Variants in SLC22A16 observed in about 807,000 individuals in gnomAD.
SLC22A16 encodes solute carrier family 22 member 16, also known as WUGSC:RG331P03.1.
A neutral mutation model predicts 52.9 loss-of-function variants in SLC22A16; 53 were observed. The ratio of observed to expected loss-of-function variants is 1.00; its 90% CI spans 0.80 to 1.26. SLC22A16 has a LOEUF of 1.26. Among genes scored for constraint, SLC22A16 ranks in the 50% most tolerant of loss-of-function variants. The pLI is 0.00. For missense variants in SLC22A16, 726 were observed against 704.0 expected (o/e 1.03, Z -0.35); for synonymous variants, 291 against 268.8 (o/e 1.08, Z -0.81).
chr6:110,442,182 A>G, intron 4 of SLC22A16, 62 bp downstream of exon 4: 3 of 1,500,162 alleles, frequency 2.0e-6, no homozygotes, highest in South Asian at 2.6e-5. Flanking sequence ...AAACAGACAC[A>G]CACACACAAA....
intron 2 of SLC22A16, among the ~76,000 whole-genome samples, chr6:110,454,603 A>G (rs1246057373): frequency 1.0e-5 from 1 of 95,974 alleles, no homozygotes; most frequent in Non-Finnish European, 1.9e-5. Context: ...ATTTATATAT[A>G]TTATATATTT....
intron 6 of SLC22A16, among the ~76,000 whole-genome samples, chr6:110,434,219 A>G (rs1226486834): frequency 6.6e-6 from 1 of 152,192 alleles, no homozygotes; most frequent in Non-Finnish European, 1.5e-5. Context: ...AGCCTGGGCA[A>G]CAGAGTGAGA....
chr6:110,445,157 G>A (rs1276015986), intron 3 of SLC22A16, among the ~76,000 whole-genome samples: 2 of 152,050 alleles, frequency 1.3e-5, no homozygotes, highest in Admixed American at 1.3e-4. Context: ...GCAAAATCCT[G>A]ACAATCCTAC....
intron 5 of SLC22A16, among the ~76,000 whole-genome samples, chr6:110,438,108 C>T (rs760966779): frequency 4.6e-5 from 7 of 151,918 alleles, no homozygotes; most frequent in Non-Finnish European, 7.4e-5. Context: ...GGGTGCCAGA[C>T]GCCCTCTCGT....
intron 1 of SLC22A16, among the ~76,000 whole-genome samples, chr6:110,457,741 T>C (rs1308913278): frequency 6.6e-6 from 1 of 152,094 alleles, no homozygotes; most frequent in Non-Finnish European, 1.5e-5. Context: ...GAACCTTCTG[T>C]TATGCCCGGG....
intron 1 of SLC22A16, 27 bp from the exon 2 acceptor site, chr6:110,457,044 A>G (rs978919792): frequency 2.0e-6 from 3 of 1,514,036 alleles, no homozygotes; most frequent in Non-Finnish European, 2.6e-6. Context: ...GCTAATTATT[A>G]TATCTGGTCT....
At chr6:110,467,678 A>C (rs1776117627) in intron 1 of SLC22A16, among the ~76,000 whole-genome samples, 1 of 152,254 alleles carries the variant, frequency 6.6e-6, no homozygotes. Context: ...GTCCCCCATC[A>C]GTTAAATTTT....
chr6:110,436,702 T>C (rs184792832), intron 5 of SLC22A16, among the ~76,000 whole-genome samples: 3 of 152,342 alleles, frequency 2.0e-5, no homozygotes, highest in East Asian at 3.9e-4. Context: ...CCCTGGCTTA[T>C]AAATTATCTT....
intron 4 of SLC22A16, among the ~76,000 whole-genome samples, chr6:110,441,586 T>C (rs1163191241): frequency 6.6e-6 from 1 of 152,220 alleles, no homozygotes; most frequent in Non-Finnish European, 1.5e-5. Flanking sequence ...CTTGTTAGCT[T>C]TCTGGAGGGC....
intron 1 of SLC22A16, among the ~76,000 whole-genome samples, chr6:110,468,684 G>A (rs935535114): frequency 3.3e-5 from 5 of 150,598 alleles, no homozygotes; most frequent in Non-Finnish European, 5.9e-5. Context: ...AGAAGAAGAA[G>A]AAGAAAAAGA....
At chr6:110,435,000 A>G (rs116678072) in intron 6 of SLC22A16, among the ~76,000 whole-genome samples, 3,871 of 152,166 alleles carry the variant, frequency 0.025, 184 homozygotes, top group African/African-American at 0.089. Flanking sequence ...AAAAATCCCC[A>G]GTGTCATTCT....
intron 7 of SLC22A16, among the ~76,000 whole-genome samples, chr6:110,430,186 A>C (rs970467624): frequency 5.6e-4 from 85 of 151,784 alleles, no homozygotes; most frequent in African/African-American, 2.1e-3. Context: ...TTGAAGGAGA[A>C]TGTGAGGATT....
chr6:110,431,424 G>A lies in SLC22A16; in HGVS notation c.1422-154C>T, dbSNP rs148231492. Among the ~76,000 whole-genome samples the A allele has an allele frequency of 4.6e-3, 694 of 152,300 alleles. 3 individuals are homozygous for A. The highest frequency in any genetic ancestry group is 0.016 in the African/African-American group (652 of 41,556). ...CGTTTCAGTCAACCTCGGTGGCCCC[G>A]CGAGATTATAATAGCACATTTTTAC... On this transcript the variant is annotated intron_variant, in intron 6 of 7. Coordinates refer to ENST00000368919, the MANE Select transcript of SLC22A16 (RefSeq NM_033125.4).
At position 110,456,556 on chromosome 6, in the gene SLC22A16, A is replaced by G. The variant is rs1775661214; in HGVS notation, c.515T>C (p.Phe172Ser). The change falls in exon 2 of 8, where the codon TTT (phenylalanine) becomes TCT (serine). Residue 172 changes from phenylalanine (F) to serine (S), a missense_variant. Coordinates refer to ENST00000368919, the MANE Select transcript of SLC22A16 (RefSeq NM_033125.4). Reference sequence around the variant, plus strand: ...ATTTTACCTGTCAGAAAAGTAGCCAAAAGTCACCGATCCCAGTAGGACTCC... The same window carrying G: ...ATTTTACCTGTCAGAAAAGTAGCCAGAAGTCACCGATCCCAGTAGGACTCC... ...MFGVLLGSVTFGYFSDRLGRR... is the reference protein window; with the variant it reads ...MFGVLLGSVTSGYFSDRLGRR... 1.9e-6 allele frequency: 3 copies of G among 1,613,870 alleles called. No homozygotes were observed.
chr6:110,429,211 A>G (rs1387705509), intron 7 of SLC22A16, among the ~76,000 whole-genome samples: 2 of 152,218 alleles, frequency 1.3e-5, no homozygotes. Flanking sequence ...TGACCTAAAA[A>G]GGGTGGTAGA....
intron 7 of SLC22A16, among the ~76,000 whole-genome samples, chr6:110,427,260 A>AAAAAAAAAAAAAAAAAAAAG (rs538137410): frequency 3.6e-5 from 5 of 137,930 alleles, no homozygotes; most frequent in Non-Finnish European, 3.1e-5. Flanking sequence ...AAAAAAAAAA[A>AAAAAAAAAAAAAAAAAAAAG]AAAAGAAAAA....
intron 1 of SLC22A16, chr6:110,475,078 T>C (rs1776412951): frequency 2.1e-6 from 1 of 471,634 alleles, no homozygotes; most frequent in South Asian, 1.5e-5. Context: ...GACCGTATAG[T>C]TAATGTGTGG....
At chr6:110,446,067 T>C (rs539470770) in intron 3 of SLC22A16, among the ~76,000 whole-genome samples, 2 of 151,256 alleles carry the variant, frequency 1.3e-5, no homozygotes, top group East Asian at 3.9e-4. Context: ...GCAGAGAGAT[T>C]GAAGCCCTTT....
chr6:110,474,368 A>C (rs191025696), intron 1 of SLC22A16, among the ~76,000 whole-genome samples: 11 of 152,336 alleles, frequency 7.2e-5, no homozygotes, highest in African/African-American at 2.6e-4. Flanking sequence ...CTAAATAATC[A>C]TCACAATAAC....
Sources: allele counts gnomAD v4.1 joint callset (sites outside exome capture counted in the v4.1 genomes callset), GRCh38; gene constraint gnomAD v4.1.1; transcripts MANE v1.5; gene names NCBI Gene and HGNC (gene_info 2026-07-23, HGNC 2026-07-21).